Variants in DNAH12 observed in about 807,000 individuals in gnomAD.
DNAH12 encodes the protein dynein axonemal heavy chain 12, also known as axonemal beta dynein heavy chain 12.
A neutral mutation model predicts 371.5 loss-of-function variants in DNAH12; 285 were observed. That is an observed-to-expected ratio of 0.77 (90% CI 0.70 to 0.85). The LOEUF (loss-of-function observed/expected upper bound fraction) is 0.85. DNAH12 is among the 40% of genes least tolerant of loss of function. DNAH12 has a pLI of 0.00. For synonymous variants in DNAH12, 1,200 were observed against 1,213.0 expected (o/e 0.99, Z 0.22); for missense variants, 3,611 against 3,689.4 (o/e 0.98, Z 0.55).
At position 57,309,175 on chromosome 3, in the gene DNAH12, A is replaced by G; in HGVS notation, c.11165T>C (p.Val3722Ala). The change falls in exon 69 of 74, where the codon GTA (valine) becomes GCA (alanine). Residue 3722 changes from valine (V) to alanine (A), a missense_variant. Val to Ala is a moderately conservative substitution (Grantham distance 64). Transcript: ENST00000495027. The part of the protein sequence containing the change: ...RYEESMNTVL[V>A]QEMERFNNLI... ...CTTGTTAAATCTTTCCATTTCTTGT[A>G]CTAACACAGTATTCATGCTTTCTTC... 6.5e-7 allele frequency: 1 copy of G among 1,548,486 alleles called. No individual in the cohort carries two copies. The highest frequency in any genetic ancestry group is 2.0e-5 in the Admixed American group (1 of 50,228).
intron 5 of DNAH12, 25 bp from the exon 6 acceptor site, chr3:57,509,237 C>A: frequency 6.3e-7 from 1 of 1,595,386 alleles, no homozygotes; most frequent in Non-Finnish European, 8.6e-7. Flanking sequence ...TATATTAATG[C>A]TTCTTGAAAA....
rs147295124 is a variant in DNAH12, at chr3:57,516,867, T to C, written c.280-5888A>G. 1.9e-3 allele frequency among the ~76,000 whole-genome samples: 288 copies of C among 152,316 alleles called. 1 individual carries two copies. The highest frequency in any genetic ancestry group is 6.4e-3 in the African/African-American group (267 of 41,574). ...GGTAGAATCCTCCAATGACTTCCAA[T>C]TGCCACTCTGAGTAAAATCCAAGCA... On this transcript the variant is annotated intron_variant, in intron 4 of 73. Coordinates refer to ENST00000495027, the MANE Select transcript of DNAH12 (RefSeq NM_001366028.2).
intron 17 of DNAH12, among the ~76,000 whole-genome samples, chr3:57,466,101 G>A (rs2066194790): frequency 6.6e-6 from 1 of 151,290 alleles, no homozygotes; most frequent in African/African-American, 2.4e-5. Context: ...CACCAGATTA[G>A]TCATACATTA....
At chr3:57,503,459 G>A (rs1361589272) in intron 9 of DNAH12, among the ~76,000 whole-genome samples, 1 of 151,366 alleles carries the variant, frequency 6.6e-6, no homozygotes, top group Non-Finnish European at 1.5e-5. Flanking sequence ...GGTGATCTTG[G>A]CTCACTGCAA....
At chr3:57,368,841 TC>T in intron 55 of DNAH12, among the ~76,000 whole-genome samples, 1 of 152,286 alleles carries the variant, frequency 6.6e-6, no homozygotes, top group African/African-American at 2.4e-5. Flanking sequence ...GCTTTTCTCT[TC>T]CTCATGGATG....
chr3:57,457,816 T>C lies in DNAH12; in HGVS notation c.3241A>G (p.Thr1081Ala), dbSNP rs759526966. 1.3e-6 allele frequency: 2 copies of C among 1,551,380 alleles called. No individual in the cohort carries two copies. The highest frequency in any genetic ancestry group is 2.0e-5 in the Admixed American group (1 of 50,964). Residue 1081 changes from threonine to alanine, a missense_variant, in exon 22 of 74, where the codon ACG becomes GCG. Coordinates refer to ENST00000495027, the MANE Select transcript of DNAH12 (RefSeq NM_001366028.2). ...TCCACAGCACCCCGCGCTGCAGACG[T>C]GGAAATGAGTGCAATCAGCTCCACT... ...ERVELIALIS[T>A]SAARGAVEKW...
chr3:57,299,612 T>C (rs2061304893), intron 70 of DNAH12, among the ~76,000 whole-genome samples: 1 of 152,112 alleles, frequency 6.6e-6, no homozygotes, highest in Non-Finnish European at 1.5e-5. Context: ...TGATGGTATT[T>C]GGAGATGGAG....
intron 60 of DNAH12, among the ~76,000 whole-genome samples, chr3:57,341,126 CTCA>C (rs879978790): frequency 6.6e-6 from 1 of 151,116 alleles, no homozygotes; most frequent in Non-Finnish European, 1.5e-5. Flanking sequence ...AAGGAAGTAC[CTCA>C]ACACAATAAA....
chr3:57,528,362 A>G (rs1305661484), intron 2 of DNAH12, among the ~76,000 whole-genome samples: 2 of 151,698 alleles, frequency 1.3e-5, no homozygotes, highest in African/African-American at 4.8e-5. Context: ...GAAGAATGTC[A>G]TTGGTATTTT....
rs1322258733 is a variant in DNAH12 at position 57,329,416 on chromosome 3, C to T, written c.9978+5049G>A. On this transcript the variant is annotated intron_variant, in intron 62 of 73. Transcript: ENST00000495027. ...CCTCAGAAATAACGCCACATATCTA[C>T]AACTATCTGATCTTTGACAAACCTG... is the stretch of plus-strand genomic sequence containing the variant. 2.6e-4 allele frequency among the ~76,000 whole-genome samples: 32 copies of T among 124,956 alleles called. 3 individuals carry two copies. Among genetic ancestry groups the T allele is most frequent in the Admixed American group, 2.3e-3 (28 of 11,994 alleles). 82.0% of individuals were successfully genotyped at this position (124,956 alleles called of 152,430 possible). A position where few individuals can be genotyped will look rare whatever the true frequency, so the allele number is the denominator to read the frequency against.
At chr3:57,430,131 C>T (rs546628740) in intron 32 of DNAH12, among the ~76,000 whole-genome samples, 96 of 152,038 alleles carry the variant, frequency 6.3e-4, no homozygotes, top group Admixed American at 1.1e-3. Context: ...GACCATAGAC[C>T]TTTTTATTAA....
chr3:57,405,011 T>C lies in DNAH12; in HGVS notation c.6713A>G (p.Tyr2238Cys). 1 of 1,536,164 alleles carries C rather than the reference T, an allele frequency of 6.5e-7. No homozygotes were observed. The highest frequency in any genetic ancestry group is 8.8e-7 in the Non-Finnish European group (1 of 1,142,590). The change falls in exon 42 of 74, where the codon TAT (tyrosine) becomes TGT (cysteine). Residue 2238 changes from tyrosine to cysteine, a missense_variant. Physicochemically the swap from Tyr to Cys is radical, Grantham distance 194. Coordinates refer to ENST00000495027, the MANE Select transcript of DNAH12 (RefSeq NM_001366028.2). ...CATTCTTGTTTTGTGTGTTTGATTA[T>C]ACTCATCTAAGCACTGGTCCACAAC... Reference protein sequence around the residue: ...SDVVDQCLDEYNQTHKTRMNL... With the variant: ...SDVVDQCLDECNQTHKTRMNL...
At chr3:57,505,640 C>T (rs2067729850) in intron 8 of DNAH12, among the ~76,000 whole-genome samples, 1 of 151,990 alleles carries the variant, frequency 6.6e-6, no homozygotes, top group Admixed American at 6.6e-5. Flanking sequence ...AGGGTTTCAC[C>T]ATGTTGGCCA....
intron 62 of DNAH12, 39 bp downstream of exon 62, chr3:57,334,426 A>T (rs1575467212): frequency 6.6e-7 from 1 of 1,513,576 alleles, no homozygotes; most frequent in East Asian, 2.5e-5. Flanking sequence ...ATAAATGGCA[A>T]ATTATCTGGG....
rs1174085772 is a variant in DNAH12, at chr3:57,433,484, G to A, written c.4863C>T (p.Asn1621=). The part of the protein sequence containing the change: ...SHEWTDGIVA[N]TFREFALSET... ...CTGATAAGGCAAATTCTCTAAAAGT[G>A]TTAGCCACAATACCATCAGTCCACT... Residue 1621 remains asparagine (N), a synonymous_variant, in exon 32 of 74, where the codon AAC becomes AAT. Transcript: ENST00000495027. 6.4e-7 allele frequency: 1 copy of A among 1,551,248 alleles called. No individual in the cohort carries two copies. Among genetic ancestry groups the A allele is most frequent in the Admixed American group, 2.0e-5 (1 of 50,960 alleles).
chr3:57,358,384 C>T (rs2062847152), intron 58 of DNAH12, among the ~76,000 whole-genome samples: 2 of 152,154 alleles, frequency 1.3e-5, no homozygotes, highest in African/African-American at 4.8e-5. Flanking sequence ...CACAGAATGA[C>T]CACACAGCCC....
intron 69 of DNAH12, among the ~76,000 whole-genome samples, chr3:57,306,899 C>T (rs909098379): frequency 6.6e-5 from 10 of 152,158 alleles, no homozygotes; most frequent in African/African-American, 1.9e-4. Flanking sequence ...CTCAATACCT[C>T]CCTACACAAC....
chr3:57,328,428 T>C (rs1411477901), intron 62 of DNAH12, among the ~76,000 whole-genome samples: 47 of 132,528 alleles, frequency 3.5e-4, no homozygotes, highest in South Asian at 1.9e-3. Context: ...ATAAATGTAA[T>C]CCAGCATATA....
intron 2 of DNAH12, among the ~76,000 whole-genome samples, chr3:57,529,651 T>G (rs577340900): frequency 2.9e-4 from 44 of 152,326 alleles, no homozygotes; most frequent in Non-Finnish European, 5.0e-4. Context: ...GTTAAAGGTT[T>G]GTCTATTTTG....
Sources: allele counts gnomAD v4.1 joint callset (sites outside exome capture counted in the v4.1 genomes callset), GRCh38; gene constraint gnomAD v4.1.1; transcripts MANE v1.5; gene names NCBI Gene and HGNC (gene_info 2026-07-23, HGNC 2026-07-21).